The following JAKMIP2 variants were observed in gnomAD, a reference collection of about 807,000 sequenced individuals.
JAKMIP2 encodes janus kinase and microtubule interacting protein 2.
A neutral mutation model predicts 115.0 loss-of-function variants in JAKMIP2; 25 were observed. That is an observed-to-expected ratio of 0.22 (90% CI 0.16 to 0.30). JAKMIP2 has a LOEUF of 0.30. Among genes scored for constraint, JAKMIP2 ranks in the 10% least tolerant of loss-of-function variants. JAKMIP2 has a pLI of 1.00. For synonymous variants in JAKMIP2, 334 were observed against 343.6 expected, an observed-to-expected ratio of 0.97 and a Z score of 0.31; for missense variants, 642 against 957.6, an observed-to-expected ratio of 0.67 and a Z score of 4.35.
chr5:147,740,255 G>A (rs1754093549), intron 1 of JAKMIP2, among the ~76,000 whole-genome samples: 1 of 152,198 alleles, frequency 6.6e-6, no homozygotes, highest in African/African-American at 2.4e-5. Flanking sequence ...GCAATAAGAT[G>A]TAATGTCTAA....
In JAKMIP2 at chr5:147,623,650, G is replaced by C; in HGVS notation, c.2035C>G (p.Gln679Glu). 1 of 1,611,328 alleles carries C rather than the reference G, an allele frequency of 6.2e-7. No individual in the cohort carries two copies. ...TCACTTTCCAATTCCATCATTTTCTGGTGTAGGGCAGCCTCAGCTCCTTCA... is the reference window on the plus strand; with the variant it reads ...TCACTTTCCAATTCCATCATTTTCTCGTGTAGGGCAGCCTCAGCTCCTTCA... ...QIEGAEAALH[Q>E]KMMELESDME... The change falls in exon 17 of 22, where the codon CAG becomes GAG. Residue 679 changes from glutamine (Q) to glutamate (E), a missense_variant. Coordinates refer to ENST00000616793, the MANE Select transcript of JAKMIP2 (RefSeq NM_001270941.2).
At chr5:147,601,240 A>G (rs6859847) in intron 21 of JAKMIP2, among the ~76,000 whole-genome samples, 147,583 of 152,266 alleles carry the variant, frequency 0.97, 71,703 homozygotes, top group East Asian at 1. Context: ...GACTGGATCT[A>G]TTTCTCAATT....
At chr5:147,755,408 C>T (rs1459218455) in intron 1 of JAKMIP2, among the ~76,000 whole-genome samples, 2 of 152,158 alleles carry the variant, frequency 1.3e-5, no homozygotes, top group Admixed American at 6.5e-5. Flanking sequence ...CGCACTTCAT[C>T]AGGACCTCCT....
chr5:147,720,750 C>T (rs1403216672), intron 1 of JAKMIP2, among the ~76,000 whole-genome samples: 2 of 149,674 alleles, frequency 1.3e-5, no homozygotes, highest in South Asian at 2.1e-4. Flanking sequence ...ATACATTCTT[C>T]TAAATTTTTT....
At chr5:147,740,650 A>C (rs927496198) in intron 1 of JAKMIP2, among the ~76,000 whole-genome samples, 1 of 152,182 alleles carries the variant, frequency 6.6e-6, no homozygotes, top group Non-Finnish European at 1.5e-5. Context: ...TTTGTCTTGA[A>C]TGCTCTTCTC....
At chr5:147,715,855 T>G (rs63203160) in intron 1 of JAKMIP2, among the ~76,000 whole-genome samples, 1 of 143,708 alleles carries the variant, frequency 7.0e-6, no homozygotes, top group African/African-American at 2.7e-5. Flanking sequence ...CTTTTTTTTT[T>G]AATTATACTT....
chr5:147,618,192 A>G, intron 18 of JAKMIP2, 78 bp from the exon 19 acceptor site: 1 of 1,047,054 alleles, frequency 9.6e-7, no homozygotes, highest in African/African-American at 1.6e-5. Context: ...CTATGTATGT[A>G]TATGTATATG....
rs188364115 is a variant in JAKMIP2 at position 147,601,125 on chromosome 5, A to G, written c.*20+616T>C. On this transcript the variant is annotated intron_variant, in intron 21 of 21. Transcript: ENST00000616793. ...ATGGGAGACTATGATGAGAATGCTA[A>G]CAACCACAGACATTGTGACTTCCCA... Among the ~76,000 whole-genome samples the G allele has an allele frequency of 4.6e-5, 7 of 152,312 alleles. No individual in the cohort carries two copies. In the South Asian group the frequency reaches 1.5e-3, roughly 32 times the overall value.
intron 1 of JAKMIP2, among the ~76,000 whole-genome samples, chr5:147,769,934 AG>A (rs573973860): frequency 5.6e-4 from 85 of 152,288 alleles, no homozygotes; most frequent in African/African-American, 1.9e-3. Flanking sequence ...ATTTTGTTAA[AG>A]ATGTAAAATG....
chr5:147,722,357 T>C (rs3734122), intron 1 of JAKMIP2, among the ~76,000 whole-genome samples: 20,125 of 152,140 alleles, frequency 0.13, 1,954 homozygotes, highest in East Asian at 0.36. Context: ...TCTTTTCTCC[T>C]TTTAACTCCC....
intron 11 of JAKMIP2, chr5:147,636,550 A>G: frequency 5.2e-6 from 3 of 581,968 alleles, no homozygotes; most frequent in African/African-American, 1.9e-5. Context: ...GGGACTCAGA[A>G]GTGACCACAC....
intron 1 of JAKMIP2, among the ~76,000 whole-genome samples, chr5:147,741,843 G>GA (rs1475636265): frequency 2.0e-5 from 3 of 151,806 alleles, no homozygotes; most frequent in African/African-American, 2.4e-5. Flanking sequence ...AAAACTGCTG[G>GA]AAAAAAACAG....
At chr5:147,609,182 G>A (rs2126616057) in intron 20 of JAKMIP2, among the ~76,000 whole-genome samples, 1 of 152,218 alleles carries the variant, frequency 6.6e-6, no homozygotes, top group Non-Finnish European at 1.5e-5. Context: ...TACATTTAAG[G>A]CTAATATTGT....
At chr5:147,597,694 A>C (rs1755465996) in intron 21 of JAKMIP2, among the ~76,000 whole-genome samples, 1 of 152,170 alleles carries the variant, frequency 6.6e-6, no homozygotes, top group Non-Finnish European at 1.5e-5. Flanking sequence ...GTATTCCTCT[A>C]ATTTTTTTCT....
rs553479924 is a variant in JAKMIP2 at position 147,604,948 on chromosome 5, T to A, written c.2413-3137A>T. On this transcript the variant is annotated intron_variant, in intron 20 of 21. Transcript: ENST00000616793. Reference sequence around the variant, plus strand: ...CCATCAACCCGTCATCTACATTAGGTATTTCTCCTAATGCTATCCCTCCCC... The same window carrying A: ...CCATCAACCCGTCATCTACATTAGGAATTTCTCCTAATGCTATCCCTCCCC... 6.1e-4 allele frequency among the ~76,000 whole-genome samples: 93 copies of A among 151,804 alleles called. 1 individual carries two copies. Among genetic ancestry groups the A allele is most frequent in the South Asian group, 1.0e-3 (5 of 4,802 alleles).
intron 1 of JAKMIP2, among the ~76,000 whole-genome samples, chr5:147,709,933 C>T (rs181893337): frequency 6.6e-6 from 1 of 152,300 alleles, no homozygotes; most frequent in East Asian, 1.9e-4. Context: ...GTGCCATTGT[C>T]CTCTGTATTT....
At chr5:147,704,463 T>TG (rs1752491219) in intron 1 of JAKMIP2, among the ~76,000 whole-genome samples, 1 of 151,952 alleles carries the variant, frequency 6.6e-6, no homozygotes, top group African/African-American at 2.4e-5. Context: ...AAACATCATT[T>TG]TGTGGGACAT....
chr5:147,646,364 T>C (rs991931992), intron 5 of JAKMIP2, among the ~76,000 whole-genome samples: 13 of 152,222 alleles, frequency 8.5e-5, no homozygotes, highest in Admixed American at 3.9e-4. Flanking sequence ...AAATATTGCA[T>C]ACATATAAGG....
intron 1 of JAKMIP2, among the ~76,000 whole-genome samples, chr5:147,703,658 C>T (rs1005285802): frequency 1.3e-5 from 2 of 149,814 alleles, no homozygotes; most frequent in African/African-American, 2.5e-5. Context: ...TGCTCCTGAA[C>T]TCAAACAATC....
Sources: allele counts gnomAD v4.1 joint callset (sites outside exome capture counted in the v4.1 genomes callset), GRCh38; gene constraint gnomAD v4.1.1; transcripts MANE v1.5; gene names NCBI Gene and HGNC (gene_info 2026-07-23, HGNC 2026-07-21).